Variants in ZNF827 observed in about 807,000 individuals in gnomAD.
The protein encoded by ZNF827 is zinc finger protein 827.
ZNF827 carries 13 observed loss-of-function variants against 102.4 expected under a neutral mutation model. The ratio of observed to expected loss-of-function variants is 0.13; its 90% CI spans 0.08 to 0.20. The LOEUF is 0.20. ZNF827 is among the 10% of genes least tolerant of loss of function. The pLI, the probability that ZNF827 is intolerant of heterozygous loss-of-function variation, is 1.00. For missense variants in ZNF827, 1,103 were observed against 1,344.4 expected, an observed-to-expected ratio of 0.82 and a Z score of 2.81; for synonymous variants, 523 against 536.2, an observed-to-expected ratio of 0.98 and a Z score of 0.34.
chr4:145,926,819 T>C (rs1260743830), intron 1 of ZNF827, among the ~76,000 whole-genome samples: 3 of 152,000 alleles, frequency 2.0e-5, no homozygotes, highest in African/African-American at 7.3e-5. Flanking sequence ...TCATACTTTT[T>C]CTCTTCTTCT....
Position 145,774,648 on chromosome 4 carries a change from G to C in ZNF827, c.2718C>G (p.Thr906=), listed in dbSNP as rs35479210. The change falls in exon 11 of 15, where the codon ACC becomes ACG. Residue 906 remains threonine, a synonymous_variant. Coordinates refer to ENST00000508784, the MANE Select transcript of ZNF827 (RefSeq NM_001306215.2). ...GGCTGACAAACTGGACATTGAGCTC[G>C]GTCTCAAATCCACACACGTGACAAC... ...YYSCHVCGFE[T]ELNVQFVSHM... 2 of 1,613,714 alleles carry C rather than the reference G, an allele frequency of 1.2e-6. No individual in the cohort carries two copies. Among genetic ancestry groups the C allele is most frequent in the Admixed American group, 1.7e-5 (1 of 59,976 alleles).
intron 2 of ZNF827, among the ~76,000 whole-genome samples, chr4:145,895,748 A>G (rs1316823593): frequency 6.6e-6 from 1 of 152,218 alleles, no homozygotes; most frequent in Non-Finnish European, 1.5e-5. Context: ...ACTTTAAAGA[A>G]GGGAGGAAGT....
chr4:145,913,126 G>A (rs993341636), intron 1 of ZNF827, among the ~76,000 whole-genome samples: 2 of 151,984 alleles, frequency 1.3e-5, no homozygotes, highest in African/African-American at 4.8e-5. Context: ...TCTTTCAAAT[G>A]AAAGGTTTAA....
At chr4:145,842,340 C>T (rs1001233074) in intron 7 of ZNF827, among the ~76,000 whole-genome samples, 2 of 152,188 alleles carry the variant, frequency 1.3e-5, no homozygotes, top group African/African-American at 4.8e-5. Context: ...GAGGAAAGTG[C>T]AGTCACCAAC....
intron 8 of ZNF827, among the ~76,000 whole-genome samples, chr4:145,816,162 A>G (rs1373553210): frequency 6.6e-6 from 1 of 152,222 alleles, no homozygotes; most frequent in Non-Finnish European, 1.5e-5. Flanking sequence ...GGGCCACCAC[A>G]TTTGACTTGG....
chr4:145,933,098 T>C (rs1250714466), intron 1 of ZNF827, among the ~76,000 whole-genome samples: 1 of 152,236 alleles, frequency 6.6e-6, no homozygotes, highest in Non-Finnish European at 1.5e-5. Context: ...GCAGGTAAAT[T>C]AAAAATCAAT....
chr4:145,916,759 T>C (rs575238071), intron 1 of ZNF827, among the ~76,000 whole-genome samples: 2 of 152,324 alleles, frequency 1.3e-5, no homozygotes, highest in Admixed American at 1.3e-4. Flanking sequence ...TCCTCTCATT[T>C]TACTATATGA....
rs190711488 is a variant in ZNF827 at position 145,928,765 on chromosome 4, A to C, written c.43+9600T>G. 3.9e-5 allele frequency among the ~76,000 whole-genome samples: 6 copies of C among 152,348 alleles called. No homozygotes were observed. In the East Asian group the frequency reaches 7.7e-4, roughly 20 times the overall value. On this transcript the variant is annotated intron_variant, in intron 1 of 14. Transcript: ENST00000508784. ...AGAGTCAGTGATGAATGGAAAGATCAAAGAATGCTGGGGAATGCAGAACAG... is the reference window on the plus strand; with the variant it reads ...AGAGTCAGTGATGAATGGAAAGATCCAAGAATGCTGGGGAATGCAGAACAG...
chr4:145,790,461 A>T (rs1739512186), intron 8 of ZNF827, among the ~76,000 whole-genome samples: 1 of 152,218 alleles, frequency 6.6e-6, no homozygotes, highest in Non-Finnish European at 1.5e-5. Context: ...CTAAAATTTT[A>T]ATGTTAATTT....
chr4:145,886,814 C>T (rs564308111), intron 3 of ZNF827, among the ~76,000 whole-genome samples: 1 of 151,980 alleles, frequency 6.6e-6, no homozygotes, highest in Non-Finnish European at 1.5e-5. Flanking sequence ...TTTTTCCAAA[C>T]GTGGCTATAA....
chr4:145,824,972 T>C (rs549359052), intron 7 of ZNF827, among the ~76,000 whole-genome samples: 1 of 152,252 alleles, frequency 6.6e-6, no homozygotes, highest in Non-Finnish European at 1.5e-5. Flanking sequence ...CCATGGTTTT[T>C]CTTTGTATCT....
intron 1 of ZNF827, among the ~76,000 whole-genome samples, chr4:145,916,904 C>T (rs531031546): frequency 6.6e-6 from 1 of 152,182 alleles, no homozygotes; most frequent in African/African-American, 2.4e-5. Context: ...AAGTTCTTTG[C>T]CACATCATAA....
At chr4:145,927,934 G>A (rs1010700945) in intron 1 of ZNF827, among the ~76,000 whole-genome samples, 3 of 152,194 alleles carry the variant, frequency 2.0e-5, no homozygotes, top group African/African-American at 7.2e-5. Flanking sequence ...CACAGAGATG[G>A]TTAAGTGACT....
At chr4:145,913,302 T>C (rs1236930522) in intron 1 of ZNF827, among the ~76,000 whole-genome samples, 1 of 151,710 alleles carries the variant, frequency 6.6e-6, no homozygotes, top group East Asian at 1.9e-4. Context: ...GGTGCATGCC[T>C]GTGGTCCCAG....
intron 1 of ZNF827, among the ~76,000 whole-genome samples, chr4:145,931,261 T>A (rs924024136): frequency 5.3e-5 from 8 of 152,364 alleles, no homozygotes; most frequent in African/African-American, 1.9e-4. Context: ...TATAAAGTGT[T>A]GTACACTTAG....
At chr4:145,937,416 T>C (rs1400699900) in intron 1 of ZNF827, among the ~76,000 whole-genome samples, 2 of 151,754 alleles carry the variant, frequency 1.3e-5, no homozygotes, top group Non-Finnish European at 2.9e-5. Flanking sequence ...CCGCATTTTA[T>C]TGCGGCCAGG....
intron 8 of ZNF827, among the ~76,000 whole-genome samples, chr4:145,803,442 T>C (rs1218611568): frequency 6.6e-6 from 1 of 152,110 alleles, no homozygotes; most frequent in Non-Finnish European, 1.5e-5. Context: ...ACTTCTTTGC[T>C]AGCAAACAGT....
At chr4:145,853,580 AAAAC>A (rs988389319) in intron 5 of ZNF827, among the ~76,000 whole-genome samples, 8 of 152,102 alleles carry the variant, frequency 5.3e-5, no homozygotes, top group Non-Finnish European at 7.4e-5. Context: ...ACTCTGTCTC[AAAAC>A]AAACAAACAA....
At chr4:145,892,181 C>A in intron 3 of ZNF827, 62 bp downstream of exon 3, 3 of 1,531,040 alleles carry the variant, frequency 2.0e-6, no homozygotes, top group Admixed American at 3.7e-5. Context: ...CTGCACCAGA[C>A]CATGTACAGA....
Sources: gnomAD v4.1 joint callset for allele counts (sites outside exome capture counted in the v4.1 genomes callset) on GRCh38, gnomAD v4.1.1 for gene constraint, MANE v1.5 for transcripts, NCBI Gene and HGNC (gene_info 2026-07-23, HGNC 2026-07-21) for gene names.